NALCN: variants seen among roughly 807,000 people sequenced by gnomAD.
NALCN encodes the protein sodium leak channel NALCN.
NALCN carries 111 observed loss-of-function variants against 225.3 expected under a neutral mutation model. That is an observed-to-expected ratio of 0.49 (90% CI 0.42 to 0.58). The LOEUF (loss-of-function observed/expected upper bound fraction) is 0.58, where lower values mean the gene tolerates loss of function less well. Among genes scored for constraint, NALCN ranks in the 20% least tolerant of loss-of-function variants. The pLI, the probability that NALCN is intolerant of heterozygous loss-of-function variation, is 0.00. For missense variants in NALCN, 1,378 were observed against 2,202.4 expected, an observed-to-expected ratio of 0.63 and a Z score of 7.49; for synonymous variants, 764 against 769.0, an observed-to-expected ratio of 0.99 and a Z score of 0.11.
At chr13:101,414,558 A>AAAAG (rs1424816755) in intron 1 of NALCN, among the ~76,000 whole-genome samples, 1 of 152,028 alleles carries the variant, frequency 6.6e-6, no homozygotes, top group African/African-American at 2.4e-5. Flanking sequence ...CGGAATGATA[A>AAAAG]AATCACCTGG....
At chr13:101,352,911 A>G (rs1566607415) in intron 6 of NALCN, among the ~76,000 whole-genome samples, 1 of 152,230 alleles carries the variant, frequency 6.6e-6, no homozygotes, top group Non-Finnish European at 1.5e-5. Context: ...AGACATTTGC[A>G]GAGTCCAAGC....
Position 101,179,868 on chromosome 13 carries a change from C to T in NALCN, c.1765-3494G>A, listed in dbSNP as rs562028223. ...AAGACCACACTCTCTCCAAAGGCCA[C>T]GGGGGAGAATACTCCCTTGTCTCTT... On this transcript the variant is annotated intron_variant, in intron 14 of 43. Transcript: ENST00000251127. Among the ~76,000 whole-genome samples the T allele has an allele frequency of 1.9e-4, 29 of 152,282 alleles. No individual in the cohort carries two copies. The South Asian group carries it at 5.8e-3, about 31-fold the overall frequency.
At chr13:101,205,199 C>T (rs970218228) in intron 13 of NALCN, among the ~76,000 whole-genome samples, 4 of 152,020 alleles carry the variant, frequency 2.6e-5, no homozygotes, top group Non-Finnish European at 5.9e-5. Flanking sequence ...AAATTTTAAT[C>T]CTCTTTTTTC....
At chr13:101,340,518 T>A (rs1263359471) in intron 7 of NALCN, among the ~76,000 whole-genome samples, 1 of 152,236 alleles carries the variant, frequency 6.6e-6, no homozygotes, top group African/African-American at 2.4e-5. Flanking sequence ...TGTTCTACGC[T>A]ACACGTACTC....
At chr13:101,226,806 A>C (rs2041160938) in intron 13 of NALCN, among the ~76,000 whole-genome samples, 1 of 152,168 alleles carries the variant, frequency 6.6e-6, no homozygotes, top group Admixed American at 6.5e-5. Context: ...TCATGGCCAT[A>C]GCTGCAGTCC....
intron 10 of NALCN, among the ~76,000 whole-genome samples, chr13:101,268,555 C>A (rs754702114): frequency 5.3e-5 from 8 of 152,030 alleles, no homozygotes; most frequent in Non-Finnish European, 1.0e-4. Context: ...ACATATAGTC[C>A]TTTTCTGCTG....
chr13:101,342,682 T>A (rs2139287844), intron 7 of NALCN, among the ~76,000 whole-genome samples: 1 of 152,310 alleles, frequency 6.6e-6, no homozygotes, highest in East Asian at 1.9e-4. Context: ...TAGTTACAGC[T>A]TTTCAGAGTT....
intron 13 of NALCN, among the ~76,000 whole-genome samples, chr13:101,203,482 G>T (rs1371818032): frequency 2.0e-5 from 3 of 152,206 alleles, no homozygotes; most frequent in Non-Finnish European, 4.4e-5. Flanking sequence ...TTCCCAAAGT[G>T]CTGGGATTAC....
intron 15 of NALCN, among the ~76,000 whole-genome samples, chr13:101,166,847 T>C (rs1566370852): frequency 6.6e-6 from 1 of 152,250 alleles, no homozygotes; most frequent in East Asian, 1.9e-4. Flanking sequence ...TTTATGGTTT[T>C]AGGTCTTTTG....
intron 2 of NALCN, among the ~76,000 whole-genome samples, chr13:101,396,820 T>C (rs1175930462): frequency 6.6e-6 from 1 of 151,896 alleles, no homozygotes; most frequent in Non-Finnish European, 1.5e-5. Flanking sequence ...GAATTATTAA[T>C]TTTAGTAAGT....
rs187902152 is a variant in NALCN, at chr13:101,098,106, C to T, written c.3163-2426G>A. On this transcript the variant is annotated intron_variant, in intron 27 of 43. Coordinates refer to ENST00000251127, the MANE Select transcript of NALCN (RefSeq NM_052867.4). Reference sequence around the variant, plus strand: ...CACTGTGACCCTTCTTTGTATGCTCCGTGTCCTTCTTCACTGCTTGCTCTC... The same window carrying T: ...CACTGTGACCCTTCTTTGTATGCTCTGTGTCCTTCTTCACTGCTTGCTCTC... 2.1e-3 allele frequency among the ~76,000 whole-genome samples: 327 copies of T among 152,160 alleles called. 1 individual carries two copies. The highest frequency in any genetic ancestry group is 3.7e-3 in the Non-Finnish European group (249 of 68,020).
At chr13:101,220,206 T>C (rs2040884274) in intron 13 of NALCN, among the ~76,000 whole-genome samples, 1 of 152,220 alleles carries the variant, frequency 6.6e-6, no homozygotes, top group Non-Finnish European at 1.5e-5. Context: ...ATACATCATG[T>C]GATTTTTCTT....
At chr13:101,203,953 G>T (rs930320118) in intron 13 of NALCN, among the ~76,000 whole-genome samples, 3 of 152,196 alleles carry the variant, frequency 2.0e-5, no homozygotes, top group Non-Finnish European at 4.4e-5. Flanking sequence ...TTGGCAAATT[G>T]ACTGAAAATA....
chr13:101,236,692 C>T (rs2041565777), intron 12 of NALCN, among the ~76,000 whole-genome samples: 1 of 144,978 alleles, frequency 6.9e-6, no homozygotes, highest in Non-Finnish European at 1.5e-5. Flanking sequence ...CATATTCTCA[C>T]TCATAGGTGG....
At chr13:101,225,279 A>G (rs2041098368) in intron 13 of NALCN, among the ~76,000 whole-genome samples, 1 of 152,120 alleles carries the variant, frequency 6.6e-6, no homozygotes, top group African/African-American at 2.4e-5. Flanking sequence ...TGTTCTTTTT[A>G]TGCGGTACCA....
chr13:101,312,543 A>G (rs565228383), intron 7 of NALCN, among the ~76,000 whole-genome samples: 73 of 151,688 alleles, frequency 4.8e-4, no homozygotes, highest in African/African-American at 1.8e-3. Flanking sequence ...TGTGTCCCAG[A>G]GATTCTGGTA....
chr13:101,158,005 C>G (rs1158800736), intron 15 of NALCN, among the ~76,000 whole-genome samples: 1 of 152,146 alleles, frequency 6.6e-6, no homozygotes, highest in Non-Finnish European at 1.5e-5. Context: ...CCCACCTCAG[C>G]CTCCCAAAGT....
At chr13:101,376,474 G>A (rs554341923) in intron 6 of NALCN, among the ~76,000 whole-genome samples, 9 of 151,636 alleles carry the variant, frequency 5.9e-5, no homozygotes, top group African/African-American at 1.2e-4. Context: ...CCGAGATCGC[G>A]CCACTGCACC....
At chr13:101,160,033 C>A (rs1052820152) in intron 15 of NALCN, among the ~76,000 whole-genome samples, 48 of 152,306 alleles carry the variant, frequency 3.2e-4, no homozygotes, top group African/African-American at 1.2e-3. Context: ...CGGCTCACTG[C>A]AACCTCTGCC....
Sources: allele counts gnomAD v4.1 joint callset (sites outside exome capture counted in the v4.1 genomes callset), GRCh38; gene constraint gnomAD v4.1.1; transcripts MANE v1.5; gene names NCBI Gene and HGNC (gene_info 2026-07-23, HGNC 2026-07-21).